Variants in BABAM2 observed in about 807,000 individuals in gnomAD.
The protein encoded by BABAM2 is BRISC and BRCA1 A complex member 2.
Under a neutral mutation model 54.7 loss-of-function variants are expected in BABAM2, and 31 were observed. That is an observed-to-expected ratio of 0.57 (90% CI 0.43 to 0.77). BABAM2 has a LOEUF of 0.77. BABAM2 is among the 30% of genes least tolerant of loss of function. The probability of loss-of-function intolerance (pLI) is 0.00; values close to 1 mark genes in which losing one functional copy is unlikely to be tolerated. For synonymous variants in BABAM2, 167 were observed against 162.9 expected (o/e 1.03, Z -0.19); for missense variants, 364 against 455.8 (o/e 0.80, Z 1.83).
chr2:28,230,300 C>G (rs1681256960), intron 7 of BABAM2, among the ~76,000 whole-genome samples: 1 of 152,072 alleles, frequency 6.6e-6, no homozygotes. Flanking sequence ...GAATTACACC[C>G]TGATTTTGTT....
intron 6 of BABAM2, among the ~76,000 whole-genome samples, chr2:28,122,742 T>G (rs1261766983): frequency 6.6e-6 from 1 of 152,214 alleles, no homozygotes; most frequent in African/African-American, 2.4e-5. Context: ...AGCATAATGA[T>G]AAATTGTACT....
At chr2:28,319,812 T>G (rs1689871742) in intron 11 of BABAM2, among the ~76,000 whole-genome samples, 1 of 152,176 alleles carries the variant, frequency 6.6e-6, no homozygotes, top group South Asian at 2.1e-4. Flanking sequence ...CACATGATTT[T>G]CCACACAGTT....
intron 10 of BABAM2, among the ~76,000 whole-genome samples, chr2:28,293,039 T>C (rs1687415077): frequency 6.6e-6 from 1 of 152,228 alleles, no homozygotes; most frequent in African/African-American, 2.4e-5. Flanking sequence ...TGGGATTCTT[T>C]CAGCTCTCCT....
chr2:27,890,109 G>A (rs1664693069), upstream of BABAM2: 3 of 641,086 alleles, frequency 4.7e-6, no homozygotes, highest in East Asian at 2.8e-5. This position sits in a 1 kb window ranked among gnomAD's most constrained non-coding sequence, Gnocchi z 4.8. Flanking sequence ...AGGAAGGTAG[G>A]CTGAAGGCTT....
In BABAM2 at chr2:27,907,264, T is replaced by G. The variant is rs529596278; in HGVS notation, c.128+12580T>G. The stretch of plus-strand genomic sequence containing the variant: ...TTTTTGAAAAATACATCTTTTTTTT[T>G]TTTGTTTTCCGAGAAGATTTTTTAT... On this transcript the variant is annotated intron_variant, in intron 2 of 11. Coordinates refer to ENST00000379624, the MANE Select transcript of BABAM2 (RefSeq NM_199191.3). 2.6e-4 allele frequency among the ~76,000 whole-genome samples: 40 copies of G among 152,218 alleles called. 1 individual carries two copies. The South Asian group carries it at 4.8e-3, about 18-fold the overall frequency.
At chr2:27,902,208 AC>A (rs1665841090) in intron 2 of BABAM2, among the ~76,000 whole-genome samples, 1 of 152,208 alleles carries the variant, frequency 6.6e-6, no homozygotes, top group African/African-American at 2.4e-5. Context: ...GAGTGTATTT[AC>A]CCATTAGTGG....
chr2:27,922,802 C>A (rs776373079), intron 2 of BABAM2, among the ~76,000 whole-genome samples: 1 of 151,988 alleles, frequency 6.6e-6, no homozygotes, highest in Non-Finnish European at 1.5e-5. Flanking sequence ...TATACTTAAC[C>A]GTCAGCAATT....
intron 7 of BABAM2, among the ~76,000 whole-genome samples, chr2:28,210,201 G>A (rs917635125): frequency 3.9e-5 from 6 of 152,130 alleles, no homozygotes; most frequent in African/African-American, 1.4e-4. Flanking sequence ...TCTCCTCCCT[G>A]CTTTCCTGCC....
At chr2:28,208,317 A>G (rs1370887416) in intron 7 of BABAM2, among the ~76,000 whole-genome samples, 2 of 152,238 alleles carry the variant, frequency 1.3e-5, no homozygotes, top group African/African-American at 4.8e-5. Context: ...ATTGCTATAA[A>G]AGAAAAAAGA....
intron 3 of BABAM2, among the ~76,000 whole-genome samples, chr2:27,956,099 T>G (rs1210679701): frequency 6.6e-6 from 1 of 152,150 alleles, no homozygotes; most frequent in Admixed American, 6.5e-5. Context: ...TTCTTAATAA[T>G]CTATGATGGC....
At chr2:28,275,035 G>A (rs575807133) in intron 10 of BABAM2, among the ~76,000 whole-genome samples, 169 of 152,284 alleles carry the variant, frequency 1.1e-3, no homozygotes, top group Non-Finnish European at 1.8e-3. Context: ...CAAGTCAAGT[G>A]AATACTAGTC....
intron 7 of BABAM2, among the ~76,000 whole-genome samples, chr2:28,138,204 T>TG (rs1430247369): frequency 2.0e-5 from 3 of 152,178 alleles, no homozygotes; most frequent in Non-Finnish European, 4.4e-5. Context: ...AGAAAGTAGA[T>TG]GGGAAAATGC....
At chr2:28,163,677 A>G (rs1673331147) in intron 7 of BABAM2, among the ~76,000 whole-genome samples, 1 of 152,200 alleles carries the variant, frequency 6.6e-6, no homozygotes, top group South Asian at 2.1e-4. Context: ...AAAGAAAGGT[A>G]AGGGTGAGGC....
chr2:28,204,000 C>A (rs959190261), intron 7 of BABAM2, among the ~76,000 whole-genome samples: 21 of 152,200 alleles, frequency 1.4e-4, no homozygotes, highest in African/African-American at 5.1e-4. Flanking sequence ...CCAATCATTA[C>A]GATATCTTGC....
chr2:27,962,012 G>A (rs945804346), intron 3 of BABAM2, among the ~76,000 whole-genome samples: 1 of 152,070 alleles, frequency 6.6e-6, no homozygotes, highest in African/African-American at 2.4e-5. Flanking sequence ...TTACAGGCGT[G>A]TGCTACCATG....
intron 4 of BABAM2, 149 bp from the exon 5 acceptor site, chr2:28,025,077 T>A: frequency 3.2e-6 from 2 of 622,904 alleles, no homozygotes; most frequent in Non-Finnish European, 2.4e-6. Context: ...TTTCTCTAAC[T>A]TCATCTCTGG....
intron 7 of BABAM2, among the ~76,000 whole-genome samples, chr2:28,131,941 A>G (rs73922238): frequency 0.011 from 1,666 of 152,252 alleles, 29 homozygotes; most frequent in African/African-American, 0.038. Flanking sequence ...TCAGAAAAAC[A>G]TTTGTTCCAG....
intron 3 of BABAM2, among the ~76,000 whole-genome samples, chr2:27,954,478 A>G (rs1558615454): frequency 2.6e-5 from 4 of 152,338 alleles, no homozygotes; most frequent in East Asian, 1.9e-4. Context: ...AAGGTGAAAT[A>G]CTAAAAGATT....
chr2:28,083,082 T>C (rs937381330), intron 6 of BABAM2, among the ~76,000 whole-genome samples: 1 of 152,136 alleles, frequency 6.6e-6, no homozygotes, highest in African/African-American at 2.4e-5. Context: ...CCTGTTAGAG[T>C]CTTTCCAGCT....
Sources: allele counts gnomAD v4.1 joint callset (sites outside exome capture counted in the v4.1 genomes callset), GRCh38; gene constraint gnomAD v4.1.1; non-coding constraint Gnocchi (gnomAD v3.1); transcripts MANE v1.5; gene names NCBI Gene and HGNC (gene_info 2026-07-23, HGNC 2026-07-21).